Variants in ITPR1 observed in about 807,000 individuals in gnomAD.
ITPR1 encodes the protein inositol 1,4,5-trisphosphate-gated calcium channel ITPR1.
Under a neutral mutation model 318.4 loss-of-function variants are expected in ITPR1, and 96 were observed. That is an observed-to-expected ratio of 0.30 (90% CI 0.26 to 0.36). The LOEUF is 0.36. Among genes scored for constraint, ITPR1 ranks in the 10% least tolerant of loss-of-function variants. ITPR1 has a pLI of 1.00. For missense variants in ITPR1, 2,440 were observed against 3,460.2 expected (o/e 0.71, Z 7.40); for synonymous variants, 1,312 against 1,289.9 (o/e 1.02, Z -0.37).
At chr3:4,672,751 C>T (rs1313020905) in intron 20 of ITPR1, among the ~76,000 whole-genome samples, 1 of 152,202 alleles carries the variant, frequency 6.6e-6, no homozygotes, top group Non-Finnish European at 1.5e-5. Context: ...ACATTTCCTA[C>T]ATGGTCTTTA....
At chr3:4,746,073 C>G (rs2044085439) in intron 44 of ITPR1, among the ~76,000 whole-genome samples, 1 of 152,216 alleles carries the variant, frequency 6.6e-6, no homozygotes. Context: ...AAACTAGGCA[C>G]TGTTACTTCA....
At chr3:4,667,262 A>C (rs1202097792) in intron 17 of ITPR1, 115 bp from the exon 18 acceptor site, 1 of 724,166 alleles carries the variant, frequency 1.4e-6, no homozygotes, top group Non-Finnish European at 2.2e-6. Flanking sequence ...TTATACTGTA[A>C]TGTCTCTTAG....
intron 4 of ITPR1, among the ~76,000 whole-genome samples, chr3:4,614,351 T>G (rs942244535): frequency 7.2e-5 from 11 of 152,274 alleles, no homozygotes; most frequent in Non-Finnish European, 4.4e-5. Context: ...CTTCCAGCGT[T>G]GCAGTGTAAC....
At chr3:4,569,110 A>G (rs1048439394) in intron 4 of ITPR1, among the ~76,000 whole-genome samples, 16 of 152,152 alleles carry the variant, frequency 1.1e-4, no homozygotes, top group African/African-American at 3.9e-4. Context: ...TTGGGTGGAG[A>G]CAAATATCCA....
intron 4 of ITPR1, among the ~76,000 whole-genome samples, chr3:4,528,630 C>G (rs568455110): frequency 4.6e-5 from 7 of 152,240 alleles, no homozygotes; most frequent in Admixed American, 2.6e-4. Flanking sequence ...TCTTTTGATT[C>G]TAATCCATGA....
At chr3:4,839,792 T>A (rs981627409) in intron 61 of ITPR1, among the ~76,000 whole-genome samples, 5 of 152,236 alleles carry the variant, frequency 3.3e-5, no homozygotes, top group Admixed American at 2.6e-4. Flanking sequence ...ACCAGTATGG[T>A]TTAAACTGCT....
chr3:4,730,361 G>A (rs1257381177), intron 42 of ITPR1, among the ~76,000 whole-genome samples: 3 of 143,892 alleles, frequency 2.1e-5, no homozygotes, highest in African/African-American at 7.8e-5. Context: ...AAAAAAGTTT[G>A]TTGGGTGGAA....
intron 60 of ITPR1, among the ~76,000 whole-genome samples, chr3:4,830,104 G>C (rs1232030406): frequency 1.3e-5 from 2 of 151,790 alleles, no homozygotes; most frequent in African/African-American, 4.8e-5. Flanking sequence ...CTCCTGGGTA[G>C]CTGGGATTAC....
intron 4 of ITPR1, among the ~76,000 whole-genome samples, chr3:4,612,133 C>T (rs977454948): frequency 7.6e-6 from 1 of 132,400 alleles, no homozygotes; most frequent in Non-Finnish European, 1.5e-5. Flanking sequence ...TCCATGTCGG[C>T]TCACTGCAAG....
intron 44 of ITPR1, among the ~76,000 whole-genome samples, chr3:4,736,294 C>A (rs1327625217): frequency 6.6e-6 from 1 of 152,218 alleles, no homozygotes; most frequent in Non-Finnish European, 1.5e-5. Flanking sequence ...TGGCCTTGAA[C>A]TGAAATTCGG....
At chr3:4,812,454 C>G (rs1413595799) in intron 56 of ITPR1, among the ~76,000 whole-genome samples, 1 of 152,150 alleles carries the variant, frequency 6.6e-6, no homozygotes, top group East Asian at 1.9e-4. Flanking sequence ...GCAGGTTTTA[C>G]AGTGAGCTCA....
At position 4,815,044 on chromosome 3, in the gene ITPR1, C is replaced by CT. The variant is rs768645738; in HGVS notation, c.7702-5dup. The stretch of plus-strand genomic sequence containing the variant: ...GACCCAGACTGATCCAGACACCTCT[C>CT]TTTTCCAGGAACCCCTGTTTGCTGC... On this transcript the variant is annotated splice_polypyrimidine_tract_variant and intron_variant, in intron 58 of 61. Coordinates refer to ENST00000649015, the MANE Select transcript of ITPR1 (RefSeq NM_001378452.1). 1.9e-6 allele frequency: 3 copies of CT among 1,604,570 alleles called. No individual in the cohort carries two copies. Among genetic ancestry groups the CT allele is most frequent in the Admixed American group, 1.7e-5 (1 of 59,544 alleles).
chr3:4,801,440 C>T (rs180989553), intron 54 of ITPR1, among the ~76,000 whole-genome samples: 78 of 152,012 alleles, frequency 5.1e-4, no homozygotes, highest in African/African-American at 4.8e-4. Context: ...AAGCTTACAG[C>T]GGGGAGGAGG....
At chr3:4,588,416 G>T (rs965293351) in intron 4 of ITPR1, among the ~76,000 whole-genome samples, 1 of 151,880 alleles carries the variant, frequency 6.6e-6, no homozygotes, top group South Asian at 2.1e-4. Context: ...ATTCAAAGCA[G>T]CTGTGAAGTC....
chr3:4,544,199 G>A (rs182924311), intron 4 of ITPR1, among the ~76,000 whole-genome samples: 36 of 152,320 alleles, frequency 2.4e-4, no homozygotes, highest in African/African-American at 8.4e-4. Context: ...TTAAGAAGCA[G>A]CCAGGTCACC....
intron 5 of ITPR1, among the ~76,000 whole-genome samples, chr3:4,637,302 G>T (rs372500039): frequency 6.6e-6 from 1 of 152,210 alleles, no homozygotes; most frequent in Non-Finnish European, 1.5e-5. Flanking sequence ...CAAAGAATAA[G>T]CCTTCATTCC....
At chr3:4,791,330 C>T (rs1196612077) in intron 52 of ITPR1, among the ~76,000 whole-genome samples, 2 of 152,196 alleles carry the variant, frequency 1.3e-5, no homozygotes, top group African/African-American at 4.8e-5. Flanking sequence ...TCATGGAAGA[C>T]AATTTTCCAC....
chr3:4,674,111 G>A (rs2094140553), intron 21 of ITPR1, 91 bp from the exon 22 acceptor site: 2 of 976,744 alleles, frequency 2.0e-6, no homozygotes, highest in Non-Finnish European at 3.1e-6. Flanking sequence ...CAAGGGTTAG[G>A]GGATGTTGAC....
At chr3:4,655,369 T>C (rs745379412) in intron 12 of ITPR1, among the ~76,000 whole-genome samples, 28 of 152,064 alleles carry the variant, frequency 1.8e-4, no homozygotes, top group Non-Finnish European at 3.2e-4. Context: ...GGCCTCCTGG[T>C]ACAGGAGGGA....
Sources: gnomAD v4.1 joint callset for allele counts (sites outside exome capture counted in the v4.1 genomes callset) on GRCh38, gnomAD v4.1.1 for gene constraint, MANE v1.5 for transcripts, NCBI Gene and HGNC (gene_info 2026-07-23, HGNC 2026-07-21) for gene names.